The following MALRD1 variants were observed in gnomAD, a reference collection of about 807,000 sequenced individuals.
The protein encoded by MALRD1 is MAM and LDL-receptor class A domain-containing protein 1.
Under a neutral mutation model 242.1 loss-of-function variants are expected in MALRD1, and 247 were observed. That is an observed-to-expected ratio of 1.02 (90% CI 0.92 to 1.13). MALRD1 has a LOEUF of 1.13. Among genes scored for constraint, MALRD1 ranks in the 50% most tolerant of loss-of-function variants. MALRD1 has a pLI of 0.00. For synonymous variants in MALRD1, 995 were observed against 866.6 expected, an observed-to-expected ratio of 1.15 and a Z score of -2.60; for missense variants, 2,989 against 2,533.1, an observed-to-expected ratio of 1.18 and a Z score of -3.86.
intron 21 of MALRD1, among the ~76,000 whole-genome samples, chr10:19,296,647 G>A (rs1841715520): frequency 2.6e-5 from 4 of 152,028 alleles, no homozygotes; most frequent in Admixed American, 1.3e-4. Flanking sequence ...AGTTGGGACT[G>A]GTTTATGAAG....
At chr10:19,346,858 C>T (rs57652218) in intron 24 of MALRD1, among the ~76,000 whole-genome samples, 8,817 of 152,068 alleles carry the variant, frequency 0.058, 531 homozygotes, top group African/African-American at 0.15. Flanking sequence ...CCGTGTTGGC[C>T]AGGCTGGTCT....
chr10:19,559,775 G>A (rs1334573721), intron 32 of MALRD1, among the ~76,000 whole-genome samples: 3 of 151,920 alleles, frequency 2.0e-5, no homozygotes, highest in Admixed American at 6.6e-5. Context: ...CTACAAGAAA[G>A]TTAAACAAAT....
intron 33 of MALRD1, among the ~76,000 whole-genome samples, chr10:19,581,154 T>C (rs1210063923): frequency 2.6e-5 from 4 of 152,136 alleles, no homozygotes; most frequent in Non-Finnish European, 4.4e-5. Context: ...AGAGTACTTA[T>C]AATTGCAGCT....
intron 14 of MALRD1, among the ~76,000 whole-genome samples, chr10:19,182,656 C>T (rs948250010): frequency 3.3e-5 from 5 of 151,966 alleles, no homozygotes; most frequent in Non-Finnish European, 5.9e-5. Context: ...AACTGCAAAT[C>T]GTATAGCCTT....
At chr10:19,568,721 G>T (rs1836368503) in intron 33 of MALRD1, among the ~76,000 whole-genome samples, 2 of 152,042 alleles carry the variant, frequency 1.3e-5, no homozygotes, top group Admixed American at 6.5e-5. Flanking sequence ...AGGCCTCCTG[G>T]TTTTTGGGGT....
At chr10:19,359,689 A>T (rs1204896161) in intron 26 of MALRD1, among the ~76,000 whole-genome samples, 1 of 152,074 alleles carries the variant, frequency 6.6e-6, no homozygotes, top group Non-Finnish European at 1.5e-5. Context: ...AAAAAAAGAC[A>T]TCACGAGGTA....
intron 36 of MALRD1, among the ~76,000 whole-genome samples, chr10:19,660,651 T>C (rs1841387415): frequency 6.6e-6 from 1 of 152,146 alleles, no homozygotes; most frequent in South Asian, 2.1e-4. Flanking sequence ...TGTCATCACT[T>C]GAAAGCATGG....
At chr10:19,680,095 C>G (rs1215341960) in intron 36 of MALRD1, among the ~76,000 whole-genome samples, 1 of 152,050 alleles carries the variant, frequency 6.6e-6, no homozygotes, top group Non-Finnish European at 1.5e-5. Flanking sequence ...CATGTGGTGC[C>G]AAGAAGAATG....
chr10:19,650,665 A>G (rs1840834852), intron 36 of MALRD1, among the ~76,000 whole-genome samples: 1 of 152,202 alleles, frequency 6.6e-6, no homozygotes, highest in African/African-American at 2.4e-5. Flanking sequence ...AGTAGGAGAT[A>G]GGGAGTTTCT....
At chr10:19,397,367 C>T (rs1489157779) in intron 28 of MALRD1, among the ~76,000 whole-genome samples, 3 of 152,098 alleles carry the variant, frequency 2.0e-5, no homozygotes, top group African/African-American at 7.2e-5. Context: ...GTATATTTCA[C>T]TTAACATAAT....
At chr10:19,101,820 T>C (rs2131330222) in intron 4 of MALRD1, among the ~76,000 whole-genome samples, 1 of 136,490 alleles carries the variant, frequency 7.3e-6, no homozygotes, top group African/African-American at 2.6e-5. Context: ...ATTTATAATA[T>C]ATAAATATGT....
chr10:19,611,111 A>G (rs1273486271), intron 35 of MALRD1, among the ~76,000 whole-genome samples: 2 of 152,002 alleles, frequency 1.3e-5, no homozygotes, highest in African/African-American at 4.8e-5. Flanking sequence ...ACCATTCACT[A>G]GTATAAAAAT....
At chr10:19,643,761 G>T (rs760020606) in intron 36 of MALRD1, among the ~76,000 whole-genome samples, 2 of 152,042 alleles carry the variant, frequency 1.3e-5, no homozygotes, top group Admixed American at 1.3e-4. Flanking sequence ...TGCGTTTCCC[G>T]TTTTCTATCT....
At chr10:19,205,658 T>TA (rs924234745) in intron 17 of MALRD1, among the ~76,000 whole-genome samples, 33 of 152,148 alleles carry the variant, frequency 2.2e-4, no homozygotes, top group African/African-American at 7.2e-4. Flanking sequence ...AGATCAGATC[T>TA]AAAAAAATCA....
intron 28 of MALRD1, 34 bp downstream of exon 28, chr10:19,389,643 T>G (rs1846251951): frequency 1.3e-6 from 2 of 1,534,062 alleles, no homozygotes; most frequent in African/African-American, 2.8e-5. Context: ...TCTGAGCTTG[T>G]TTTGTTCTGT....
At chr10:19,137,820 C>G (rs1439609992) in intron 10 of MALRD1, among the ~76,000 whole-genome samples, 2 of 152,122 alleles carry the variant, frequency 1.3e-5, no homozygotes, top group African/African-American at 4.8e-5. Context: ...TATGAGGTAA[C>G]TTAGCAACTG....
At chr10:19,611,942 A>C (rs903687642) in intron 35 of MALRD1, among the ~76,000 whole-genome samples, 3 of 152,032 alleles carry the variant, frequency 2.0e-5, no homozygotes, top group Non-Finnish European at 4.4e-5. Context: ...AGAGCATAAA[A>C]ATGCATATTT....
intron 13 of MALRD1, among the ~76,000 whole-genome samples, chr10:19,171,818 TTATA>T (rs997167625): frequency 1.4e-5 from 2 of 144,530 alleles, no homozygotes; most frequent in South Asian, 4.3e-4. Context: ...ATCAGTTTGG[TTATA>T]TATATACATA....
intron 36 of MALRD1, among the ~76,000 whole-genome samples, chr10:19,632,312 C>T (rs760645022): frequency 1.3e-5 from 2 of 152,082 alleles, no homozygotes; most frequent in Non-Finnish European, 2.9e-5. Context: ...TCTGTCCTTC[C>T]ACCTTCCAAT....
Sources: gnomAD v4.1 joint callset for allele counts (sites outside exome capture counted in the v4.1 genomes callset) on GRCh38, gnomAD v4.1.1 for gene constraint, MANE v1.5 for transcripts, NCBI Gene and HGNC (gene_info 2026-07-23, HGNC 2026-07-21) for gene names.